The following CSTPP1 variants were observed in gnomAD, a reference collection of about 807,000 sequenced individuals.
The protein encoded by CSTPP1 is centriolar satellite-associated tubulin polyglutamylase complex regulator 1, also known as UPF0705 protein C11orf49.
At chr11:47,157,139 G>A in the CSTPP1 span, 89 of 1,613,610 alleles carry the variant, frequency 5.5e-5, no homozygotes, top group South Asian at 1.4e-4. Flanking sequence ...TGCCTTGGGC[G>A]GGGCCGGCAC....
chr11:47,005,167 T>G, the CSTPP1 span, among the ~76,000 whole-genome samples: 1 of 152,194 alleles, frequency 6.6e-6, no homozygotes, highest in African/African-American at 2.4e-5. Flanking sequence ...TACAGAAAAT[T>G]GATGTAAAAA....
the CSTPP1 span, among the ~76,000 whole-genome samples, chr11:47,024,283 C>G: frequency 1.3e-5 from 2 of 151,926 alleles, no homozygotes; most frequent in Admixed American, 1.3e-4. Flanking sequence ...AGGCTGGTCT[C>G]AAACTCCTGG....
the CSTPP1 span, among the ~76,000 whole-genome samples, chr11:47,065,357 T>A: frequency 3.9e-5 from 6 of 152,198 alleles, no homozygotes; most frequent in African/African-American, 1.4e-4. Context: ...TTGCCCTGGC[T>A]GGAGTGCAGT....
At chr11:47,006,210 G>A in the CSTPP1 span, among the ~76,000 whole-genome samples, 10 of 152,028 alleles carry the variant, frequency 6.6e-5, no homozygotes, top group Admixed American at 1.3e-4. Flanking sequence ...TAATCTATAC[G>A]TCTTATTTAC....
At chr11:47,144,980 A>ATTTTTT in the CSTPP1 span, among the ~76,000 whole-genome samples, 9 of 92,874 alleles carry the variant, frequency 9.7e-5, no homozygotes, top group African/African-American at 2.1e-4. Flanking sequence ...ATTGCCTGCC[A>ATTTTTT]TTTTTTTTTT....
the CSTPP1 span, among the ~76,000 whole-genome samples, chr11:47,021,862 G>T: frequency 6.6e-6 from 1 of 151,926 alleles, no homozygotes; most frequent in Admixed American, 6.6e-5. Context: ...AGTCTTTTCT[G>T]GGACAAGGAG....
chr11:47,162,094 G>A, the CSTPP1 span: 3 of 987,428 alleles, frequency 3.0e-6, no homozygotes, highest in Non-Finnish European at 3.6e-6. Flanking sequence ...CATAACCGCT[G>A]TGGCCTGTTG....
the CSTPP1 span, among the ~76,000 whole-genome samples, chr11:47,143,535 G>A: frequency 6.6e-6 from 1 of 152,190 alleles, no homozygotes; most frequent in Non-Finnish European, 1.5e-5. Flanking sequence ...AAGCATCATG[G>A]CCAGGCCCTG....
chr11:47,135,266 T>C, the CSTPP1 span, among the ~76,000 whole-genome samples: 1 of 152,296 alleles, frequency 6.6e-6, no homozygotes, highest in East Asian at 1.9e-4. Flanking sequence ...CTAAGCACTT[T>C]ATAGACATCA....
the CSTPP1 span, chr11:47,161,971 C>A: frequency 9.4e-7 from 1 of 1,058,874 alleles, no homozygotes; most frequent in Non-Finnish European, 1.1e-6. Context: ...CTCTGCGGGT[C>A]CCCCAATAAG....
chr11:47,034,916 A>T, the CSTPP1 span, among the ~76,000 whole-genome samples: 1 of 152,224 alleles, frequency 6.6e-6, no homozygotes, highest in Non-Finnish European at 1.5e-5. Context: ...AAAATTATCA[A>T]ACCATCCTTT....
chr11:46,959,260 T>C, the CSTPP1 span, among the ~76,000 whole-genome samples: 1 of 151,956 alleles, frequency 6.6e-6, no homozygotes, highest in Non-Finnish European at 1.5e-5. Context: ...AGTTCTTTTT[T>C]TCTAGTTTTT....
At chr11:47,047,948 CAAT>C in the CSTPP1 span, among the ~76,000 whole-genome samples, 1 of 152,126 alleles carries the variant, frequency 6.6e-6, no homozygotes, top group Admixed American at 6.6e-5. Context: ...ATCAAAACAA[CAAT>C]AAGATGCCAC....
chr11:47,150,893 T>G, the CSTPP1 span, among the ~76,000 whole-genome samples: 1 of 147,074 alleles, frequency 6.8e-6, no homozygotes, highest in Non-Finnish European at 1.5e-5. Flanking sequence ...GTTTTTTTTT[T>G]TTTTTTTTTT....
the CSTPP1 span, among the ~76,000 whole-genome samples, chr11:46,946,121 C>T: frequency 3.3e-5 from 5 of 152,292 alleles, no homozygotes; most frequent in East Asian, 9.6e-4. Context: ...CCATGTTGTT[C>T]CCAACCCTTG....
chr11:46,986,730 A>C, the CSTPP1 span, among the ~76,000 whole-genome samples: 2 of 152,066 alleles, frequency 1.3e-5, no homozygotes, highest in Non-Finnish European at 2.9e-5. Flanking sequence ...AGCCTCCCAA[A>C]ATGCTGGGAT....
the CSTPP1 span, among the ~76,000 whole-genome samples, chr11:46,942,186 G>T: frequency 6.6e-6 from 1 of 152,182 alleles, no homozygotes. Flanking sequence ...TAAAAATTGT[G>T]TTAATGCCTA....
At chr11:47,115,451 ACTT>A in the CSTPP1 span, among the ~76,000 whole-genome samples, 370 of 152,070 alleles carry the variant, frequency 2.4e-3, 1 homozygote, top group African/African-American at 8.1e-3. Flanking sequence ...CTGGTCCTGG[ACTT>A]CTTTTGGTTG....
the CSTPP1 span, among the ~76,000 whole-genome samples, chr11:47,098,495 GTTTTCTT>G: frequency 6.7e-6 from 1 of 148,470 alleles, no homozygotes; most frequent in South Asian, 2.1e-4. Context: ...AGAAATGATT[GTTTTCTT>G]TTTTCTTTTT....
Sources: allele counts gnomAD v4.1 joint callset (sites outside exome capture counted in the v4.1 genomes callset), GRCh38; gene constraint gnomAD v4.1.1; transcripts MANE v1.5; gene names NCBI Gene and HGNC (gene_info 2026-07-23, HGNC 2026-07-21).